Variants in CPVL observed in about 807,000 individuals in gnomAD.
CPVL encodes the protein carboxypeptidase vitellogenic like.
In CPVL, 51 loss-of-function variants were observed where a neutral mutation model predicts 63.7. The observed-to-expected ratio is 0.80, with a 90% confidence interval of 0.64 to 1.01. The LOEUF (loss-of-function observed/expected upper bound fraction) is 1.01. Ranked by LOEUF, CPVL falls within the 50% of genes least tolerant of loss-of-function variation. The probability of loss-of-function intolerance (pLI) is 0.00; values close to 1 mark genes in which losing one functional copy is unlikely to be tolerated. For synonymous variants in CPVL, 195 were observed against 206.0 expected, an observed-to-expected ratio of 0.95 and a Z score of 0.46; for missense variants, 530 against 573.1, an observed-to-expected ratio of 0.92 and a Z score of 0.77.
chr7:29,132,123 GC>G (rs1188964447), intron 1 of CPVL, among the ~76,000 whole-genome samples: 1 of 152,142 alleles, frequency 6.6e-6, no homozygotes, highest in Non-Finnish European at 1.5e-5. Context: ...GTCAGGGAAG[GC>G]CCCCCTGAGT....
At chr7:29,135,842 A>ATG (rs1288817366) in intron 1 of CPVL, among the ~76,000 whole-genome samples, 1 of 152,268 alleles carries the variant, frequency 6.6e-6, no homozygotes, top group East Asian at 1.9e-4. Context: ...GCTATTACAG[A>ATG]TGTGAGCTAC....
intron 1 of CPVL, among the ~76,000 whole-genome samples, chr7:29,131,815 A>C (rs1472045221): frequency 1.3e-5 from 2 of 152,068 alleles, no homozygotes; most frequent in Non-Finnish European, 2.9e-5. Flanking sequence ...GCCTTGGCCC[A>C]CCTCCACTCT....
At chr7:29,084,161 G>C (rs943763558) in intron 7 of CPVL, among the ~76,000 whole-genome samples, 5 of 152,138 alleles carry the variant, frequency 3.3e-5, no homozygotes, top group Non-Finnish European at 7.3e-5. Flanking sequence ...GACCCTCAAT[G>C]GTTTCCCATT....
chr7:29,063,152 C>A (rs1297981012), intron 11 of CPVL, among the ~76,000 whole-genome samples: 2 of 152,182 alleles, frequency 1.3e-5, no homozygotes, highest in African/African-American at 4.8e-5. Context: ...ACCTCCAGGG[C>A]TCCTTTTCTG....
chr7:29,107,410 C>A (rs1405711850), intron 3 of CPVL, among the ~76,000 whole-genome samples: 1 of 152,212 alleles, frequency 6.6e-6, no homozygotes, highest in Non-Finnish European at 1.5e-5. Flanking sequence ...AACTATAGAA[C>A]CACAGAATGT....
chr7:29,001,675 A>G (rs1194105498), intron 12 of CPVL, among the ~76,000 whole-genome samples: 1 of 152,174 alleles, frequency 6.6e-6, no homozygotes, highest in Non-Finnish European at 1.5e-5. Context: ...CTCCCACTGT[A>G]CACCTCTGGT....
At chr7:29,035,274 T>C (rs1024550694) in intron 11 of CPVL, among the ~76,000 whole-genome samples, 25 of 152,198 alleles carry the variant, frequency 1.6e-4, no homozygotes, top group African/African-American at 6.0e-4. Flanking sequence ...ACTGTGATAC[T>C]GTGAGGCAAC....
intron 12 of CPVL, among the ~76,000 whole-genome samples, chr7:29,028,781 C>T (rs530929298): frequency 1.5e-4 from 23 of 151,994 alleles, no homozygotes; most frequent in South Asian, 4.2e-4. Flanking sequence ...CTGGCTAACA[C>T]GGTGAAACCC....
chr7:29,016,641 C>T lies in CPVL; in HGVS notation c.1320+13936G>A, dbSNP rs150200254. Among the ~76,000 whole-genome samples, 1,092 of 152,274 alleles carry T rather than the reference C, an allele frequency of 7.2e-3. 14 individuals carry two copies. Among genetic ancestry groups the T allele is most frequent in the African/African-American group, 0.025 (1,024 of 41,566 alleles). On this transcript the variant is annotated intron_variant, in intron 12 of 12. Transcript: ENST00000265394. ...ACCACGGGCCTGAGGGCTCCATATA[C>T]TAAACCCAGGTCAAGGTCAAGGTGC...
chr7:29,129,092 G>A (rs147013837), intron 1 of CPVL, among the ~76,000 whole-genome samples: 8 of 152,280 alleles, frequency 5.3e-5, no homozygotes, highest in Non-Finnish European at 1.0e-4. Context: ...TGATTGCTCT[G>A]GTTGCTATCT....
At chr7:29,000,766 G>GTATA (rs1158750337) in intron 12 of CPVL, among the ~76,000 whole-genome samples, 5 of 152,104 alleles carry the variant, frequency 3.3e-5, no homozygotes, top group African/African-American at 1.2e-4. Flanking sequence ...GTAGCATTTA[G>GTATA]TATATTCACA....
intron 12 of CPVL, among the ~76,000 whole-genome samples, chr7:29,004,195 TTGAA>T (rs895843292): frequency 2.0e-5 from 3 of 152,082 alleles, no homozygotes; most frequent in African/African-American, 7.2e-5. Flanking sequence ...AAATAATAGA[TTGAA>T]TAAAAGGATG....
chr7:29,152,160 A>G (rs1414247922), intron 5 of CPVL, among the ~76,000 whole-genome samples: 1 of 152,202 alleles, frequency 6.6e-6, no homozygotes, highest in African/African-American at 2.4e-5. Flanking sequence ...AGGTCACATC[A>G]CCAAATAAAG....
chr7:29,151,705 G>A (rs957492806), intron 5 of CPVL, among the ~76,000 whole-genome samples: 4 of 152,284 alleles, frequency 2.6e-5, no homozygotes, highest in East Asian at 1.9e-4. Context: ...GGAGTAGACC[G>A]ATGGCATCTG....
intron 2 of CPVL, among the ~76,000 whole-genome samples, chr7:29,185,976 C>T (rs1332481207): frequency 6.6e-6 from 1 of 152,130 alleles, no homozygotes; most frequent in East Asian, 1.9e-4. Flanking sequence ...TCCTTCAGTT[C>T]CCCAGAGGTG....
intron 1 of CPVL, 38 bp from the exon 2 acceptor site, chr7:29,121,109 A>C: frequency 6.6e-7 from 1 of 1,524,776 alleles, no homozygotes; most frequent in Non-Finnish European, 8.8e-7. Context: ...GAATCATAAG[A>C]GTAAATATTT....
intron 7 of CPVL, among the ~76,000 whole-genome samples, chr7:29,076,941 C>G (rs751358715): frequency 6.6e-6 from 1 of 152,144 alleles, no homozygotes; most frequent in Non-Finnish European, 1.5e-5. Context: ...GCACATTGTA[C>G]TTGTAAAAAT....
At chr7:29,113,945 G>A (rs1289205784) in intron 2 of CPVL, among the ~76,000 whole-genome samples, 1 of 152,150 alleles carries the variant, frequency 6.6e-6, no homozygotes, top group East Asian at 1.9e-4. Flanking sequence ...CAAGAAAAGC[G>A]ATGTAAGTCT....
intron 5 of CPVL, among the ~76,000 whole-genome samples, chr7:29,179,303 G>A (rs980526791): frequency 6.6e-6 from 1 of 152,208 alleles, no homozygotes; most frequent in Non-Finnish European, 1.5e-5. Context: ...GCCAAGTCAT[G>A]AGGAAGAGTG....
Sources: allele counts gnomAD v4.1 joint callset (sites outside exome capture counted in the v4.1 genomes callset), GRCh38; gene constraint gnomAD v4.1.1; transcripts MANE v1.5; gene names NCBI Gene and HGNC (gene_info 2026-07-23, HGNC 2026-07-21).